The following OSBPL5 variants were observed in gnomAD, a reference collection of about 807,000 sequenced individuals.
OSBPL5 encodes the protein oxysterol-binding protein-related protein 5.
A neutral mutation model predicts 111.2 loss-of-function variants in OSBPL5; 71 were observed. The observed-to-expected ratio is 0.64, with a 90% CI of 0.53 to 0.78. The LOEUF is 0.78. Among genes scored for constraint, OSBPL5 ranks in the 30% least tolerant of loss-of-function variants. The probability of loss-of-function intolerance (pLI) is 0.00; values close to 1 mark genes in which losing one functional copy is unlikely to be tolerated. For missense variants in OSBPL5, 1,210 were observed against 1,189.3 expected, an observed-to-expected ratio of 1.02 and a Z score of -0.26; for synonymous variants, 549 against 513.9, an observed-to-expected ratio of 1.07 and a Z score of -0.93.
intron 12 of OSBPL5, 75 bp from the exon 13 acceptor site, chr11:3,101,774 C>CA: frequency 8.0e-7 from 1 of 1,246,860 alleles, no homozygotes. Flanking sequence ...CAGCTTCCCC[C>CA]AAAAAACCTG....
chr11:3,117,660 A>G (rs1389028087), intron 7 of OSBPL5, among the ~76,000 whole-genome samples: 1 of 152,190 alleles, frequency 6.6e-6, no homozygotes, highest in Non-Finnish European at 1.5e-5. Context: ...ATGTTTTTCA[A>G]TTTTTGTTAT....
intron 20 of OSBPL5, 151 bp from the exon 21 acceptor site, chr11:3,090,099 A>T: frequency 1.6e-6 from 1 of 607,284 alleles, no homozygotes; most frequent in Non-Finnish European, 2.9e-6. Context: ...AGCTGAAGAC[A>T]CGGAGATGAG....
At chr11:3,150,856 C>G (rs1846557892) in intron 1 of OSBPL5, among the ~76,000 whole-genome samples, 1 of 152,188 alleles carries the variant, frequency 6.6e-6, no homozygotes, top group Non-Finnish European at 1.5e-5. Context: ...CCCAGAATGC[C>G]ACCCCTGGTC....
At chr11:3,123,368 A>T (rs1161866362) in intron 3 of OSBPL5, among the ~76,000 whole-genome samples, 1 of 152,248 alleles carries the variant, frequency 6.6e-6, no homozygotes, top group Non-Finnish European at 1.5e-5. Context: ...AAAAAATCAC[A>T]AGAATAATTT....
At chr11:3,135,806 T>C (rs904266092) in intron 1 of OSBPL5, among the ~76,000 whole-genome samples, 13 of 152,118 alleles carry the variant, frequency 8.5e-5, no homozygotes, top group African/African-American at 3.1e-4. Flanking sequence ...AGGCACCTCC[T>C]GGTCCCCTCC....
intron 21 of OSBPL5, 77 bp downstream of exon 21, chr11:3,089,769 A>G: frequency 7.2e-7 from 1 of 1,396,700 alleles, no homozygotes; most frequent in Non-Finnish European, 9.9e-7. Context: ...TGGCCTCCCC[A>G]CCTCCCGCCC....
At chr11:3,091,341 C>T (rs571954680) in intron 19 of OSBPL5, among the ~76,000 whole-genome samples, 5 of 152,320 alleles carry the variant, frequency 3.3e-5, no homozygotes, top group East Asian at 1.9e-4. Flanking sequence ...GTGCCAGGGA[C>T]GCTCTGCATT....
At chr11:3,144,578 G>A (rs1049041156) in intron 1 of OSBPL5, among the ~76,000 whole-genome samples, 3 of 152,240 alleles carry the variant, frequency 2.0e-5, no homozygotes, top group African/African-American at 4.8e-5. Context: ...TGAGACAGCA[G>A]ACACCGGCCC....
Position 3,109,551 on chromosome 11 carries a change from G to C in OSBPL5, c.692-1606C>G, listed in dbSNP as rs1171184702. ...TCCATTAAATCCTGCTCTTCGTGGG[G>C]CATCTCAGGGTCCAGTGTAGGGAGG... On this transcript the variant is annotated intron_variant, in intron 7 of 21. Coordinates refer to ENST00000263650, the MANE Select transcript of OSBPL5 (RefSeq NM_020896.4). The surrounding 1 kb of genome is among the most constrained non-coding windows in gnomAD (Gnocchi z 7.4). Among the ~76,000 whole-genome samples, 1 of 152,168 alleles carries C rather than the reference G, an allele frequency of 6.6e-6. No individual in the cohort carries two copies. The highest frequency in any genetic ancestry group is 1.5e-5 in the Non-Finnish European group (1 of 68,042).
rs1437252745 is a variant in OSBPL5 at position 3,141,559 on chromosome 11, G to A, written c.-21-12390C>T. Among the ~76,000 whole-genome samples, 1 of 152,116 alleles carries A rather than the reference G, an allele frequency of 6.6e-6. No homozygotes were observed. Among genetic ancestry groups the A allele is most frequent in the Non-Finnish European group, 1.5e-5 (1 of 68,008 alleles). On this transcript the variant is annotated intron_variant, in intron 1 of 21. Transcript: ENST00000263650. This position sits in a 1 kb window ranked among gnomAD's most constrained non-coding sequence, Gnocchi z 6.5. ...AGTGTTCAGGAAATGGCATTAATGG[G>A]GTCCATTATGGCCCGAGTTGCGCAG...
intron 1 of OSBPL5, among the ~76,000 whole-genome samples, chr11:3,147,741 C>T (rs530875139): frequency 2.0e-5 from 3 of 152,296 alleles, no homozygotes; most frequent in Admixed American, 1.3e-4. Context: ...CGCGTGGGTG[C>T]GTCGGGGCAG....
intron 5 of OSBPL5, among the ~76,000 whole-genome samples, 172 bp from the exon 6 acceptor site, chr11:3,120,796 C>T (rs1858382264): frequency 6.6e-6 from 1 of 152,228 alleles, no homozygotes; most frequent in Admixed American, 6.5e-5. Flanking sequence ...ACCCTCACTC[C>T]CTGGGGTGAT....
chr11:3,134,862 G>T (rs1284796387), intron 1 of OSBPL5, among the ~76,000 whole-genome samples: 2 of 152,186 alleles, frequency 1.3e-5, no homozygotes, highest in African/African-American at 4.8e-5. Context: ...GGCAAGTGTG[G>T]GTGCCGGGTG....
At position 3,093,635 on chromosome 11, in the gene OSBPL5, C is replaced by G; in HGVS notation, c.1838G>C (p.Gly613Ala). 6.2e-7 allele frequency: 1 copy of G among 1,613,208 alleles called. No individual in the cohort carries two copies. The highest frequency in any genetic ancestry group is 8.5e-7 in the Non-Finnish European group (1 of 1,179,984). Residue 613 changes from glycine to alanine, a missense_variant, in exon 17 of 22, where the codon GGG (glycine) becomes GCG (alanine). Transcript: ENST00000263650. Reference protein sequence around the residue: ...WDRDVFIKEEGSGSSALFWTP... With the variant: ...WDRDVFIKEEASGSSALFWTP... ...CCAGAAAAGCGCACTGCTTCCGCTC[C>G]CTTCCTCCTTGATAAACACGTCCCT...
intron 7 of OSBPL5, among the ~76,000 whole-genome samples, chr11:3,116,718 G>A (rs1858218782): frequency 6.6e-6 from 1 of 152,118 alleles, no homozygotes. Flanking sequence ...AGCTGGGTGT[G>A]GTGGCGGATG....
At chr11:3,101,263 C>A (rs1449919709) in intron 13 of OSBPL5, among the ~76,000 whole-genome samples, 2 of 300 alleles carry the variant, frequency 6.7e-3, no homozygotes, top group Admixed American at 0.071. Context: ...GCGTGAGCCA[C>A]CATGCTTTGA....
intron 1 of OSBPL5, among the ~76,000 whole-genome samples, chr11:3,131,856 A>ACCATCCATCCATCCTTCTGT (rs58749026): frequency 2.4e-5 from 1 of 41,700 alleles, no homozygotes; most frequent in Admixed American, 2.5e-4. Context: ...CACCCACCAA[A>ACCATCCATCCATCCTTCTGT]CCATCCATCC....
rs947004682 is a variant in OSBPL5, at chr11:3,125,226, A to T, written c.219+1247T>A. Among the ~76,000 whole-genome samples the T allele has an allele frequency of 3.3e-5, 5 of 152,338 alleles. No individual in the cohort carries two copies. The South Asian group carries it at 1.0e-3, about 32-fold the overall frequency. ...TGACCAGAACTTTGCAACCTATGAA[A>T]ATTCCTTAAAAATATAATTTAGAAC... On this transcript the variant is annotated intron_variant, in intron 3 of 21. Transcript: ENST00000263650.
intron 1 of OSBPL5, among the ~76,000 whole-genome samples, chr11:3,160,604 G>T (rs746188154): frequency 9.2e-5 from 14 of 152,136 alleles, no homozygotes; most frequent in Non-Finnish European, 1.3e-4. Context: ...CGGAGATGCG[G>T]ATGCTCCGCC....
Sources: gnomAD v4.1 joint callset for allele counts (sites outside exome capture counted in the v4.1 genomes callset) on GRCh38, gnomAD v4.1.1 for gene constraint, Gnocchi (gnomAD v3.1) non-coding constraint, MANE v1.5 for transcripts, NCBI Gene and HGNC (gene_info 2026-07-23, HGNC 2026-07-21) for gene names.